Variants in KCNQ3 observed in about 807,000 individuals in gnomAD.
KCNQ3 encodes potassium voltage-gated channel subfamily Q member 3.
KCNQ3 carries 30 observed loss-of-function variants against 92.5 expected under a neutral mutation model. That is an observed-to-expected ratio of 0.32 (90% confidence interval 0.24 to 0.44). The LOEUF (loss-of-function observed/expected upper bound fraction) is 0.44. KCNQ3 is among the 20% of genes least tolerant of loss of function. The pLI is 1.00. For missense variants in KCNQ3, 913 were observed against 1,140.3 expected (o/e 0.80, Z 2.87); for synonymous variants, 450 against 468.8 (o/e 0.96, Z 0.52).
chr8:132,287,017 A>G (rs1412151248), intron 1 of KCNQ3, among the ~76,000 whole-genome samples: 2 of 152,230 alleles, frequency 1.3e-5, no homozygotes, highest in African/African-American at 2.4e-5. Flanking sequence ...GCCAGCCTCC[A>G]GAATTACAAG....
chr8:132,347,390 T>C (rs1310636035), intron 1 of KCNQ3, among the ~76,000 whole-genome samples: 1 of 152,240 alleles, frequency 6.6e-6, no homozygotes, highest in East Asian at 1.9e-4. Context: ...TTGCTTACTT[T>C]GCTCTTTGCT....
chr8:132,337,080 A>C (rs745550890), intron 1 of KCNQ3, among the ~76,000 whole-genome samples: 21 of 152,224 alleles, frequency 1.4e-4, no homozygotes, highest in Non-Finnish European at 2.2e-4. Context: ...ATTTGTATAA[A>C]GGTCCCTTAT....
At chr8:132,187,182 C>T (rs1318033748) in intron 1 of KCNQ3, 2 of 455,916 alleles carry the variant, frequency 4.4e-6, no homozygotes, top group Non-Finnish European at 8.8e-6. Context: ...GTTTTCTACT[C>T]TACTTAGGTT....
chr8:132,168,769 G>C (rs1002321362), intron 8 of KCNQ3, among the ~76,000 whole-genome samples: 27 of 100,612 alleles, frequency 2.7e-4, no homozygotes, highest in Middle Eastern at 5.8e-3. Flanking sequence ...GTGTGTGTGT[G>C]TGTGTGTGTG....
chr8:132,145,285 G>C (rs962912709), intron 9 of KCNQ3, among the ~76,000 whole-genome samples: 1 of 152,176 alleles, frequency 6.6e-6, no homozygotes, highest in Admixed American at 6.5e-5. Context: ...AGCACTAAAA[G>C]TATTATTACA....
At chr8:132,155,489 C>A (rs1024605660) in intron 9 of KCNQ3, among the ~76,000 whole-genome samples, 1 of 152,088 alleles carries the variant, frequency 6.6e-6, no homozygotes, top group Non-Finnish European at 1.5e-5. Context: ...ATAATACTTA[C>A]CATGGGCCAG....
chr8:132,191,302 C>T (rs73356931), intron 1 of KCNQ3, among the ~76,000 whole-genome samples: 2,140 of 152,210 alleles, frequency 0.014, 44 homozygotes, highest in African/African-American at 0.047. Flanking sequence ...GCTGGAACTA[C>T]AGGTGTGCAC....
In KCNQ3 at chr8:132,229,243, A is replaced by G. The variant is rs1288981177; in HGVS notation, c.387-43062T>C. On this transcript the variant is annotated intron_variant, in intron 1 of 14. Coordinates refer to ENST00000388996, the MANE Select transcript of KCNQ3 (RefSeq NM_004519.4). Reference sequence around the variant, plus strand: ...TGCCACTGCACTCCAGCCTGGTGACAGAGTGAGACTCCGTCTCAAAAAAAA... The same window carrying G: ...TGCCACTGCACTCCAGCCTGGTGACGGAGTGAGACTCCGTCTCAAAAAAAA... Among the ~76,000 whole-genome samples, 10 of 148,434 alleles carry G rather than the reference A, an allele frequency of 6.7e-5. No homozygotes were observed. In the Admixed American group the frequency reaches 6.8e-4, roughly 10 times the overall value.
chr8:132,428,897 C>G (rs4736583), intron 1 of KCNQ3, among the ~76,000 whole-genome samples: 1 of 151,886 alleles, frequency 6.6e-6, no homozygotes, highest in Non-Finnish European at 1.5e-5. Flanking sequence ...GGAAACAAAC[C>G]TCCAAACAGA....
intron 1 of KCNQ3, among the ~76,000 whole-genome samples, chr8:132,434,081 G>A (rs1333597229): frequency 1.0e-4 from 15 of 148,844 alleles, no homozygotes; most frequent in African/African-American, 2.7e-4. Flanking sequence ...AGTGGCGGGC[G>A]CCTGTATTCC....
chr8:132,360,474 G>A (rs1819134551), intron 1 of KCNQ3, among the ~76,000 whole-genome samples: 1 of 152,326 alleles, frequency 6.6e-6, no homozygotes, highest in Admixed American at 6.5e-5. Flanking sequence ...CCCAGCACAG[G>A]AACAGAGCCA....
chr8:132,347,956 G>A (rs561570989), intron 1 of KCNQ3, among the ~76,000 whole-genome samples: 27 of 139,784 alleles, frequency 1.9e-4, no homozygotes, highest in African/African-American at 5.4e-4. Context: ...CAGCCTGGGC[G>A]ACAGAGCGAG....
intron 1 of KCNQ3, among the ~76,000 whole-genome samples, chr8:132,445,017 C>G (rs1006828752): frequency 6.6e-6 from 1 of 152,078 alleles, no homozygotes; most frequent in Non-Finnish European, 1.5e-5. Context: ...GGGCTAAAGC[C>G]TTCAGGGTGT....
At chr8:132,148,454 A>G (rs1825529741) in intron 9 of KCNQ3, among the ~76,000 whole-genome samples, 1 of 152,164 alleles carries the variant, frequency 6.6e-6, no homozygotes, top group East Asian at 1.9e-4. Flanking sequence ...AAGGCTGGCA[A>G]TTTCTTTACA....
At chr8:132,286,395 C>T (rs1816681085) in intron 1 of KCNQ3, among the ~76,000 whole-genome samples, 1 of 152,230 alleles carries the variant, frequency 6.6e-6, no homozygotes, top group African/African-American at 2.4e-5. Flanking sequence ...TAATGTCCTT[C>T]CCTCTGTGTT....
At chr8:132,395,312 T>C (rs1441184426) in intron 1 of KCNQ3, among the ~76,000 whole-genome samples, 1 of 152,324 alleles carries the variant, frequency 6.6e-6, no homozygotes, top group East Asian at 1.9e-4. Context: ...TTACATCATA[T>C]TGTTAACTAT....
intron 1 of KCNQ3, among the ~76,000 whole-genome samples, chr8:132,300,408 G>C (rs927638663): frequency 1.3e-5 from 2 of 152,174 alleles, no homozygotes; most frequent in African/African-American, 2.4e-5. Flanking sequence ...GGCTATTTCT[G>C]TTTCAACTCT....
In KCNQ3 at chr8:132,127,064, G is replaced by A. The variant is rs1362440033; in HGVS notation, c.*2198C>T. The A allele has an allele frequency of 3.3e-5, 5 of 152,144 alleles. No individual in the cohort carries two copies. Among genetic ancestry groups the A allele is most frequent in the Admixed American group, 3.3e-4 (5 of 15,276 alleles). 9.4% of individuals were successfully genotyped at this position (152,144 alleles called of 1,614,324 possible). On this transcript the variant is annotated 3_prime_UTR_variant, in exon 15 of 15. Transcript: ENST00000388996. The stretch of plus-strand genomic sequence containing the variant: ...CAAGTGAAAGATTCCAGGAAGATCA[G>A]GATTCAATAATCAAGCCCTCAGGAA...
At chr8:132,340,352 G>A (rs1467582940) in intron 1 of KCNQ3, among the ~76,000 whole-genome samples, 1 of 152,132 alleles carries the variant, frequency 6.6e-6, no homozygotes, top group Non-Finnish European at 1.5e-5. Context: ...CAAAGACTTG[G>A]AACCAACCCG....
Sources: gnomAD v4.1 joint callset for allele counts (sites outside exome capture counted in the v4.1 genomes callset) on GRCh38, gnomAD v4.1.1 for gene constraint, MANE v1.5 for transcripts, NCBI Gene and HGNC (gene_info 2026-07-23, HGNC 2026-07-21) for gene names.